The following CACNB4 variants were observed in gnomAD, a reference collection of about 807,000 sequenced individuals.
CACNB4 encodes the protein calcium voltage-gated channel auxiliary subunit beta 4.
In CACNB4, 32 loss-of-function variants were observed where a neutral mutation model predicts 71.2. The ratio of observed to expected loss-of-function variants is 0.45; its 90% CI spans 0.34 to 0.60. The LOEUF (loss-of-function observed/expected upper bound fraction) is 0.60, where lower values mean the gene tolerates loss of function less well. Among genes scored for constraint, CACNB4 ranks in the 20% least tolerant of loss-of-function variants. CACNB4 has a pLI of 0.01. For missense variants in CACNB4, 464 were observed against 647.9 expected (o/e 0.72, Z 3.08); for synonymous variants, 231 against 236.9 (o/e 0.97, Z 0.23).
chr2:151,920,965 C>T (rs529057420), intron 2 of CACNB4, among the ~76,000 whole-genome samples: 77 of 151,880 alleles, frequency 5.1e-4, no homozygotes, highest in South Asian at 1.5e-3. Flanking sequence ...AGTGAAACCC[C>T]GTCTCTACTA....
At chr2:151,998,267 G>T (rs1165104096) in intron 2 of CACNB4, among the ~76,000 whole-genome samples, 2 of 149,428 alleles carry the variant, frequency 1.3e-5, no homozygotes, top group African/African-American at 5.0e-5. Flanking sequence ...GTAGGTTGTG[G>T]TGAGTGGAGA....
intron 4 of CACNB4, among the ~76,000 whole-genome samples, chr2:151,876,839 TTGTATATG>T (rs2099846474): frequency 6.8e-6 from 1 of 146,030 alleles, no homozygotes; most frequent in Non-Finnish European, 1.5e-5. Context: ...ATAAACTATA[TTGTATATG>T]TGTATATATC....
At chr2:152,049,430 C>T (rs769411197) in intron 2 of CACNB4, among the ~76,000 whole-genome samples, 1 of 152,136 alleles carries the variant, frequency 6.6e-6, no homozygotes, top group African/African-American at 2.4e-5. Flanking sequence ...GGATTACAGG[C>T]GTGAGCCACT....
chr2:151,900,691 T>C (rs556722795), intron 2 of CACNB4, among the ~76,000 whole-genome samples: 23 of 152,222 alleles, frequency 1.5e-4, no homozygotes, highest in Admixed American at 5.9e-4. Context: ...TCGAAAAGGA[T>C]GCACTGGGAA....
chr2:152,065,699 T>C (rs1309881296), intron 2 of CACNB4, among the ~76,000 whole-genome samples: 2 of 151,464 alleles, frequency 1.3e-5, no homozygotes, highest in Non-Finnish European at 3.0e-5. Context: ...CCACTTGTCC[T>C]TTCCTCAGGT....
intron 2 of CACNB4, among the ~76,000 whole-genome samples, chr2:151,945,461 GT>G (rs1258584473): frequency 1.3e-5 from 2 of 152,114 alleles, no homozygotes; most frequent in African/African-American, 4.8e-5. Context: ...GAGCCCGGGA[GT>G]TCAAGGTGGT....
intron 2 of CACNB4, among the ~76,000 whole-genome samples, chr2:152,087,372 C>A (rs778481988): frequency 7.0e-6 from 1 of 143,142 alleles, no homozygotes; most frequent in Non-Finnish European, 1.5e-5. Context: ...GCGGAGGTTG[C>A]GGTGAGCTGA....
In CACNB4 at chr2:152,098,395, T is replaced by C. The variant is rs1688398835; in HGVS notation, c.82A>G (p.Thr28Ala). 1 of 1,613,564 alleles carries C rather than the reference T, an allele frequency of 6.2e-7. No homozygotes were observed. The highest frequency in any genetic ancestry group is 8.5e-7 in the Non-Finnish European group (1 of 1,179,582). Residue 28 changes from threonine (T) to alanine (A), a missense_variant, in exon 2 of 14, where the codon ACC becomes GCC. Transcript: ENST00000539935. The surrounding 1 kb of genome is among the most constrained non-coding windows in gnomAD (Gnocchi z 5.3). ...GATCTTTTCAACCTGCTCCTCCGGG[T>C]TGTGGTGCCTCGGGCCACCTGGACT... ...PTSQVARGTT[T>A]RRSRLKRSDG...
intron 2 of CACNB4, among the ~76,000 whole-genome samples, chr2:151,934,036 TG>T (rs925803397): frequency 6.6e-6 from 1 of 152,174 alleles, no homozygotes; most frequent in African/African-American, 2.4e-5. Flanking sequence ...AAGGAATAGC[TG>T]AACTATATAA....
At chr2:152,021,171 CG>C (rs1683644454) in intron 2 of CACNB4, among the ~76,000 whole-genome samples, 2 of 152,110 alleles carry the variant, frequency 1.3e-5, no homozygotes, top group Non-Finnish European at 2.9e-5. Context: ...CGCTTGAACC[CG>C]GGAGGCGGAG....
At chr2:151,875,702 G>T (rs1170399356) in intron 5 of CACNB4, among the ~76,000 whole-genome samples, 4 of 57,842 alleles carry the variant, frequency 6.9e-5, no homozygotes, top group Admixed American at 1.4e-4. Context: ...CCGGACGGGC[G>T]GCTGGCCGGG....
At chr2:151,966,609 C>T (rs568495004) in intron 2 of CACNB4, among the ~76,000 whole-genome samples, 69 of 152,148 alleles carry the variant, frequency 4.5e-4, no homozygotes, top group African/African-American at 1.6e-3. Flanking sequence ...CACTTTACCA[C>T]ATGCTTTTCT....
intron 2 of CACNB4, among the ~76,000 whole-genome samples, chr2:152,039,919 C>T (rs1158288252): frequency 6.6e-6 from 1 of 152,186 alleles, no homozygotes; most frequent in Non-Finnish European, 1.5e-5. Flanking sequence ...CAATATGATT[C>T]TTGTGTACAC....
intron 2 of CACNB4, among the ~76,000 whole-genome samples, chr2:151,938,375 T>G (rs2099863451): frequency 6.6e-6 from 1 of 152,204 alleles, no homozygotes; most frequent in Non-Finnish European, 1.5e-5. Context: ...TTGGACCTAC[T>G]TACTTAGCCT....
At chr2:151,874,722 C>G (rs907082294) in intron 5 of CACNB4, among the ~76,000 whole-genome samples, 1 of 152,170 alleles carries the variant, frequency 6.6e-6, no homozygotes, top group South Asian at 2.1e-4. Flanking sequence ...AGAGAAAGAG[C>G]TGCTTCTATT....
chr2:151,913,055 ACATGTCTTTG>A (rs2099856605), intron 2 of CACNB4, among the ~76,000 whole-genome samples: 2 of 151,576 alleles, frequency 1.3e-5, no homozygotes, highest in South Asian at 4.2e-4. Context: ...TTTGAGCTTT[ACATGTCTTTG>A]CATGTAAGAT....
intron 9 of CACNB4, among the ~76,000 whole-genome samples, chr2:151,863,657 A>T (rs2099842331): frequency 6.6e-6 from 1 of 152,186 alleles, no homozygotes; most frequent in Non-Finnish European, 1.5e-5. Flanking sequence ...TTATCATCAG[A>T]TTCACACTTT....
chr2:152,054,517 G>A (rs1411731631), intron 2 of CACNB4, among the ~76,000 whole-genome samples: 4 of 151,708 alleles, frequency 2.6e-5, no homozygotes, highest in African/African-American at 4.8e-5. Context: ...TGTCTATTAC[G>A]AATAATGCTG....
chr2:152,042,485 T>C (rs750721998), intron 2 of CACNB4, among the ~76,000 whole-genome samples: 2 of 152,146 alleles, frequency 1.3e-5, no homozygotes, highest in African/African-American at 4.8e-5. Context: ...CAAGCTACTC[T>C]TGGAAGTCAG....
Sources: gnomAD v4.1 joint callset for allele counts (sites outside exome capture counted in the v4.1 genomes callset) on GRCh38, gnomAD v4.1.1 for gene constraint, Gnocchi (gnomAD v3.1) non-coding constraint, MANE v1.5 for transcripts, NCBI Gene and HGNC (gene_info 2026-07-23, HGNC 2026-07-21) for gene names.